Variants in TWIST2 observed in about 807,000 individuals in gnomAD.
The protein encoded by TWIST2 is twist-related protein 2.
In TWIST2, 1 loss-of-function variant was observed where a neutral mutation model predicts 11.6. The observed-to-expected ratio is 0.09, with a 90% CI of 0.03 to 0.41. The LOEUF (loss-of-function observed/expected upper bound fraction) is 0.41, where lower values mean the gene tolerates loss of function less well. Among genes scored for constraint, TWIST2 ranks in the 10% least tolerant of loss-of-function variants. The pLI, the probability that TWIST2 is intolerant of heterozygous loss-of-function variation, is 0.98. For synonymous variants in TWIST2, 87 were observed against 96.6 expected, an observed-to-expected ratio of 0.90 and a Z score of 0.58; for missense variants, 168 against 226.4, an observed-to-expected ratio of 0.74 and a Z score of 1.66.
At chr2:238,896,277 C>T (rs1207778687) in intron 1 of TWIST2, among the ~76,000 whole-genome samples, 1 of 152,210 alleles carries the variant, frequency 6.6e-6, no homozygotes, top group Non-Finnish European at 1.5e-5. Flanking sequence ...GCCGTGCCAT[C>T]AAAGCAGACA....
At chr2:238,878,982 C>T (rs774481592) in intron 1 of TWIST2, among the ~76,000 whole-genome samples, 2 of 152,170 alleles carry the variant, frequency 1.3e-5, no homozygotes, top group Non-Finnish European at 2.9e-5. Flanking sequence ...CTCAAACACC[C>T]AAGGATGAAA....
At position 238,867,038 on chromosome 2, in the gene TWIST2, A is replaced by G. The variant is rs900690596; in HGVS notation, c.*35+18305A>G. 2.6e-5 allele frequency among the ~76,000 whole-genome samples: 4 copies of G among 152,046 alleles called. No individual in the cohort carries two copies. Among genetic ancestry groups the G allele is most frequent in the Admixed American group, 2.0e-4 (3 of 15,270 alleles). On this transcript the variant is annotated intron_variant, in intron 1 of 1. Coordinates refer to ENST00000612363, the MANE Select transcript of TWIST2 (RefSeq NM_001271893.4). The surrounding 1 kb of genome is among the most constrained non-coding windows in gnomAD (Gnocchi z 4.8). ...TGTTTTCTGTGCATCTGTGATTTAC[A>G]ATTCCCTGGCTGCCTTCCAAGCAGA...
intron 1 of TWIST2, among the ~76,000 whole-genome samples, chr2:238,876,242 C>T (rs1435854752): frequency 6.6e-6 from 1 of 152,184 alleles, no homozygotes; most frequent in Non-Finnish European, 1.5e-5. Context: ...GCAGAGGGCA[C>T]TAGGGGACTC....
intron 1 of TWIST2, among the ~76,000 whole-genome samples, chr2:238,869,624 A>C (rs1692609975): frequency 1.3e-5 from 2 of 152,234 alleles, no homozygotes; most frequent in South Asian, 4.1e-4. Context: ...CCCATCAGAG[A>C]AATGCAGATC....
intron 1 of TWIST2, among the ~76,000 whole-genome samples, chr2:238,905,970 TGTGCGCGCGC>T (rs1693347364): frequency 2.9e-4 from 40 of 138,140 alleles, no homozygotes; most frequent in Admixed American, 7.6e-4. Context: ...TGTGCGTGTG[TGTGCGCGCGC>T]GTGTACGTGC....
rs552442778 is a variant in TWIST2, at chr2:238,863,262, C to T, written c.*35+14529C>T. On this transcript the variant is annotated intron_variant, in intron 1 of 1. Coordinates refer to ENST00000612363, the MANE Select transcript of TWIST2 (RefSeq NM_001271893.4). The surrounding 1 kb of genome is among the most constrained non-coding windows in gnomAD (Gnocchi z 4.7). ...CATAGGAATGCCCTCACCGCAACCC[C>T]CACTCGGTGTTAGGACTTAGGTACT... Among the ~76,000 whole-genome samples the T allele has an allele frequency of 9.2e-5, 14 of 152,080 alleles. No homozygotes were observed. Among genetic ancestry groups the T allele is most frequent in the Non-Finnish European group, 1.5e-4 (10 of 68,024 alleles).
At chr2:238,856,543 T>TA (rs1368798576) in intron 1 of TWIST2, among the ~76,000 whole-genome samples, 1 of 152,116 alleles carries the variant, frequency 6.6e-6, no homozygotes, top group African/African-American at 2.4e-5. Flanking sequence ...GTTTTTTTTT[T>TA]ATGAAGGACA....
chr2:238,883,820 G>A (rs1480606632), intron 1 of TWIST2, among the ~76,000 whole-genome samples: 2 of 152,126 alleles, frequency 1.3e-5, no homozygotes, highest in Non-Finnish European at 2.9e-5. Flanking sequence ...GTTGTTGCTG[G>A]TTTCCCAGCT....
rs1574751967 is a variant in TWIST2 at position 238,866,851 on chromosome 2, T to C, written c.*35+18118T>C. ...CCTAGCGGCCTGGCAGCTGCGACGGTTTGTCTGCCTGTCACCCCGGGAGCA... is the reference window on the plus strand; with the variant it reads ...CCTAGCGGCCTGGCAGCTGCGACGGCTTGTCTGCCTGTCACCCCGGGAGCA... On this transcript the variant is annotated intron_variant, in intron 1 of 1. Coordinates refer to ENST00000612363, the MANE Select transcript of TWIST2 (RefSeq NM_001271893.4). The surrounding 1 kb of genome is among the most constrained non-coding windows in gnomAD (Gnocchi z 4.9). 6.6e-6 allele frequency among the ~76,000 whole-genome samples: 1 copy of C among 151,986 alleles called. No individual in the cohort carries two copies. The highest frequency in any genetic ancestry group is 6.6e-5 in the Admixed American group (1 of 15,256).
At chr2:238,895,730 C>T (rs1411054933) in intron 1 of TWIST2, among the ~76,000 whole-genome samples, 1 of 152,212 alleles carries the variant, frequency 6.6e-6, no homozygotes, top group Non-Finnish European at 1.5e-5. Flanking sequence ...TCTGCGGCCT[C>T]AGCCCCGGTA....
At chr2:238,895,707 G>C (rs961410837) in intron 1 of TWIST2, among the ~76,000 whole-genome samples, 1 of 152,182 alleles carries the variant, frequency 6.6e-6, no homozygotes, top group Non-Finnish European at 1.5e-5. Context: ...AGATCCTGAC[G>C]GACCGGTCAG....
chr2:238,850,309 AC>A (rs1692221547), intron 1 of TWIST2, among the ~76,000 whole-genome samples: 1 of 152,250 alleles, frequency 6.6e-6, no homozygotes, highest in Non-Finnish European at 1.5e-5. Context: ...TTGGCTGAGT[AC>A]TAAACGCTAC....
intron 1 of TWIST2, among the ~76,000 whole-genome samples, chr2:238,858,275 C>T (rs1471638371): frequency 6.6e-6 from 1 of 152,160 alleles, no homozygotes; most frequent in Non-Finnish European, 1.5e-5. Context: ...ATTCTGAGAA[C>T]TTTTAAATGC....
At chr2:238,894,718 C>T (rs1385377282) in intron 1 of TWIST2, among the ~76,000 whole-genome samples, 4 of 152,142 alleles carry the variant, frequency 2.6e-5, no homozygotes, top group Non-Finnish European at 4.4e-5. Context: ...CCATCTCTGC[C>T]TGTGCCCACG....
At chr2:238,868,233 C>A (rs751938061) in intron 1 of TWIST2, among the ~76,000 whole-genome samples, 1 of 152,158 alleles carries the variant, frequency 6.6e-6, no homozygotes, top group Non-Finnish European at 1.5e-5. Context: ...CCTTAGACAT[C>A]GTCTAGTACA....
chr2:238,868,098 A>G (rs1010054912), intron 1 of TWIST2, among the ~76,000 whole-genome samples: 18 of 152,216 alleles, frequency 1.2e-4, no homozygotes, highest in African/African-American at 3.9e-4. Flanking sequence ...CTCCCTGACC[A>G]GTGCAGTGCC....
chr2:238,848,629 C>G lies in TWIST2; in HGVS notation c.414C>G (p.His138Gln), dbSNP rs1165074128. The change falls in exon 1 of 2, where the codon CAC becomes CAG. Residue 138 changes from histidine to glutamine, a missense_variant. This residue lies in a region of TWIST2 where 62 missense variants were observed against 75.3 expected (regional missense o/e 0.82). Transcript: ENST00000612363. The part of the protein sequence containing the change: ...NKMTSCSYVA[H>Q]ERLSYAFSVW... The stretch of plus-strand genomic sequence containing the variant: ...TGACCAGCTGCAGCTACGTGGCCCA[C>G]GAGCGCCTCAGCTACGCCTTCTCCG... 1.9e-6 allele frequency: 3 copies of G among 1,542,842 alleles called. No individual in the cohort carries two copies. The African/African-American group carries it at 4.1e-5, about 21-fold the overall frequency.
chr2:238,861,765 C>T (rs1285568925), intron 1 of TWIST2, among the ~76,000 whole-genome samples: 1 of 152,178 alleles, frequency 6.6e-6, no homozygotes, highest in African/African-American at 2.4e-5. Flanking sequence ...AGACAGTCAA[C>T]CACAGTCCAA....
chr2:238,859,084 C>T (rs555256890), intron 1 of TWIST2, among the ~76,000 whole-genome samples: 34 of 151,896 alleles, frequency 2.2e-4, no homozygotes, highest in East Asian at 9.7e-4. Context: ...TGGTGGCGGG[C>T]GCTTATAGTT....
Sources: gnomAD v4.1 joint callset for allele counts (sites outside exome capture counted in the v4.1 genomes callset) on GRCh38, gnomAD v4.1.1 for gene constraint, gnomAD v4.1.1 regional missense constraint, Gnocchi (gnomAD v3.1) non-coding constraint, MANE v1.5 for transcripts, NCBI Gene and HGNC (gene_info 2026-07-23, HGNC 2026-07-21) for gene names.